The following ERC1 variants were observed in gnomAD, a reference collection of about 807,000 sequenced individuals.
ERC1 encodes the protein RAB6 interacting protein 2.
Under a neutral mutation model 132.0 loss-of-function variants are expected in ERC1, and 56 were observed. That is an observed-to-expected ratio of 0.42 (90% confidence interval 0.34 to 0.53). The LOEUF (loss-of-function observed/expected upper bound fraction) is 0.53. Ranked by LOEUF, ERC1 falls within the 20% of genes least tolerant of loss-of-function variation. ERC1 has a pLI of 0.03. For missense variants in ERC1, 1,202 were observed against 1,349.9 expected (o/e 0.89, Z 1.72); for synonymous variants, 478 against 476.1 (o/e 1.00, Z -0.05).
At chr12:1,265,199 C>G (rs1386580700) in intron 14 of ERC1, among the ~76,000 whole-genome samples, 3 of 152,062 alleles carry the variant, frequency 2.0e-5, no homozygotes, top group Non-Finnish European at 2.9e-5. Flanking sequence ...TTGATTTTAC[C>G]CTTTTTATAT....
intron 18 of ERC1, among the ~76,000 whole-genome samples, chr12:1,463,312 CT>C (rs2154422844): frequency 6.6e-6 from 1 of 152,298 alleles, no homozygotes; most frequent in South Asian, 2.1e-4. Context: ...TCATTTTTCC[CT>C]CCTGAACGCG....
At chr12:1,408,080 T>C (rs912607192) in intron 16 of ERC1, 69 bp from the exon 17 acceptor site, 10 of 1,049,160 alleles carry the variant, frequency 9.5e-6, no homozygotes, top group African/African-American at 9.4e-5. Flanking sequence ...ACTCTTAAAA[T>C]ACTCGTTACT....
At chr12:1,422,152 G>C (rs921554718) in intron 17 of ERC1, among the ~76,000 whole-genome samples, 1 of 152,178 alleles carries the variant, frequency 6.6e-6, no homozygotes, top group African/African-American at 2.4e-5. Flanking sequence ...GCTTGCAGAG[G>C]GACTATTATC....
intron 2 of ERC1, among the ~76,000 whole-genome samples, chr12:1,047,743 C>T (rs1429418799): frequency 6.6e-6 from 1 of 152,014 alleles, no homozygotes. Flanking sequence ...ATGACAGTAA[C>T]TAATGTTAGT....
chr12:1,218,007 G>C (rs949987980), intron 12 of ERC1, among the ~76,000 whole-genome samples: 1 of 152,144 alleles, frequency 6.6e-6, no homozygotes, highest in Non-Finnish European at 1.5e-5. Context: ...AATTCTGCAG[G>C]CAGTCCTAAT....
intron 18 of ERC1, among the ~76,000 whole-genome samples, chr12:1,461,649 A>G (rs1020929474): frequency 2.6e-5 from 4 of 152,290 alleles, no homozygotes; most frequent in African/African-American, 9.6e-5. Context: ...CCTGGGAGAC[A>G]AGAGCGAAAC....
intron 7 of ERC1, among the ~76,000 whole-genome samples, chr12:1,138,158 AAT>A (rs201160852): frequency 3.4e-5 from 3 of 88,060 alleles, no homozygotes; most frequent in African/African-American, 8.8e-5. Context: ...TTATTTACAT[AAT>A]ATATATAATT....
At chr12:1,251,904 A>C (rs185008021) in intron 13 of ERC1, among the ~76,000 whole-genome samples, 5 of 151,956 alleles carry the variant, frequency 3.3e-5, no homozygotes, top group African/African-American at 4.8e-5. Flanking sequence ...TGAATGGTTT[A>C]CTCCTTTCCT....
chr12:1,383,879 A>C (rs1253571854), intron 16 of ERC1, among the ~76,000 whole-genome samples: 1 of 152,186 alleles, frequency 6.6e-6, no homozygotes, highest in Non-Finnish European at 1.5e-5. Context: ...GAATTAATTC[A>C]TTTAATCATC....
intron 7 of ERC1, among the ~76,000 whole-genome samples, chr12:1,139,919 A>G (rs1949712982): frequency 6.6e-6 from 1 of 152,200 alleles, no homozygotes; most frequent in South Asian, 2.1e-4. Flanking sequence ...AGAGTTTGAA[A>G]GTTCTCAGGT....
At chr12:1,377,693 C>G (rs1220285010) in intron 16 of ERC1, among the ~76,000 whole-genome samples, 6 of 152,126 alleles carry the variant, frequency 3.9e-5, no homozygotes, top group Non-Finnish European at 7.3e-5. Flanking sequence ...GGCTGTATAT[C>G]ATCTATCTTT....
At chr12:1,079,069 G>C (rs903977304) in intron 2 of ERC1, among the ~76,000 whole-genome samples, 9 of 151,196 alleles carry the variant, frequency 6.0e-5, no homozygotes, top group African/African-American at 2.2e-4. Flanking sequence ...GATATACAGA[G>C]ATACATATAG....
At chr12:1,428,412 AG>A (rs201338073) in intron 17 of ERC1, among the ~76,000 whole-genome samples, 1,665 of 152,252 alleles carry the variant, frequency 0.011, 16 homozygotes, top group African/African-American at 0.036. Flanking sequence ...GCACCCTAAT[AG>A]GTTATCCTAT....
At chr12:1,183,562 T>A in intron 11 of ERC1, 141 bp downstream of exon 11, 1 of 467,910 alleles carries the variant, frequency 2.1e-6, no homozygotes, top group Non-Finnish European at 3.7e-6. Context: ...CTGAATTAAT[T>A]ATCTTAGCAT....
intron 12 of ERC1, among the ~76,000 whole-genome samples, chr12:1,191,201 A>T (rs1955695823): frequency 1.3e-5 from 2 of 152,102 alleles, no homozygotes; most frequent in African/African-American, 4.8e-5. Context: ...ATATGGATAA[A>T]ATTCTTTAAG....
chr12:1,175,402 C>A (rs955935040), intron 8 of ERC1, among the ~76,000 whole-genome samples: 1 of 151,590 alleles, frequency 6.6e-6, no homozygotes, highest in Non-Finnish European at 1.5e-5. Context: ...TATTAATATT[C>A]TACATATTTT....
chr12:1,477,690 C>T (rs1379355931), intron 18 of ERC1, among the ~76,000 whole-genome samples: 2 of 152,140 alleles, frequency 1.3e-5, no homozygotes, highest in East Asian at 3.9e-4. Flanking sequence ...AGCTGAATTA[C>T]ACACTCATAT....
intron 12 of ERC1, among the ~76,000 whole-genome samples, chr12:1,197,212 C>G (rs963442717): frequency 1.3e-5 from 2 of 151,900 alleles, no homozygotes; most frequent in Non-Finnish European, 2.9e-5. Flanking sequence ...AACTCCTGGC[C>G]TCAAGTGATC....
At chr12:1,199,369 A>G (rs1352826332) in intron 12 of ERC1, among the ~76,000 whole-genome samples, 1 of 152,246 alleles carries the variant, frequency 6.6e-6, no homozygotes, top group East Asian at 1.9e-4. Flanking sequence ...CTTTTACATC[A>G]TGATTAAACT....
Sources: allele counts gnomAD v4.1 joint callset (sites outside exome capture counted in the v4.1 genomes callset), GRCh38; gene constraint gnomAD v4.1.1; transcripts MANE v1.5; gene names NCBI Gene and HGNC (gene_info 2026-07-23, HGNC 2026-07-21).